NRXN1: variants seen among roughly 807,000 people sequenced by gnomAD.
The protein encoded by NRXN1 is neurexin 1, also known as neurexin-1.
In NRXN1, 39 loss-of-function variants were observed where a neutral mutation model predicts 150.9. The ratio of observed to expected loss-of-function variants is 0.26; its 90% CI spans 0.20 to 0.34. The LOEUF is 0.34. NRXN1 is among the 10% of genes least tolerant of loss of function. The pLI is 1.00. For synonymous variants in NRXN1, 924 were observed against 757.0 expected (o/e 1.22, Z -3.62); for missense variants, 1,815 against 1,949.9 (o/e 0.93, Z 1.30).
At chr2:50,520,049 A>T (rs1464522167) in intron 12 of NRXN1, among the ~76,000 whole-genome samples, 1 of 152,018 alleles carries the variant, frequency 6.6e-6, no homozygotes, top group Non-Finnish European at 1.5e-5. Context: ...CTATATTTTT[A>T]AAGAAGCACA....
chr2:49,992,728 G>C (rs1331093247), intron 21 of NRXN1, among the ~76,000 whole-genome samples: 1 of 151,864 alleles, frequency 6.6e-6, no homozygotes, highest in African/African-American at 2.4e-5. Flanking sequence ...ACTCAACAAT[G>C]ATAAAACAAA....
intron 17 of NRXN1, among the ~76,000 whole-genome samples, chr2:50,440,398 GT>G (rs201555885): frequency 2.7e-5 from 4 of 148,376 alleles, no homozygotes; most frequent in African/African-American, 1.0e-4. Context: ...TCTGACTATA[GT>G]CTTTATTATT....
intron 2 of NRXN1, among the ~76,000 whole-genome samples, chr2:50,940,542 C>T (rs916399234): frequency 3.3e-5 from 5 of 151,408 alleles, no homozygotes; most frequent in Non-Finnish European, 5.9e-5. Context: ...TAACCTTGTG[C>T]TCTCTGGGTC....
rs562898442 is a variant in NRXN1, at chr2:50,374,848, T to C, written c.3364+90594A>G. Among the ~76,000 whole-genome samples, 28 of 152,294 alleles carry C rather than the reference T, an allele frequency of 1.8e-4. No homozygotes were observed. The South Asian group carries it at 2.1e-3, about 11-fold the overall frequency. On this transcript the variant is annotated intron_variant, in intron 17 of 22. Coordinates refer to ENST00000401669, the MANE Select transcript of NRXN1 (RefSeq NM_001330078.2). The stretch of plus-strand genomic sequence containing the variant: ...TGCTTGCAACTGCAACAGGTTTCTG[T>C]AAAAGCTTTTGAGTTTCACAGCCTT...
intron 21 of NRXN1, among the ~76,000 whole-genome samples, chr2:49,959,859 G>A (rs1675611700): frequency 6.6e-6 from 1 of 152,138 alleles, no homozygotes; most frequent in African/African-American, 2.4e-5. Context: ...CAAAACCCCA[G>A]TATCCTAACA....
Position 50,456,972 on chromosome 2 carries a change from T to C in NRXN1, c.3364+8470A>G, listed in dbSNP as rs563213169. On this transcript the variant is annotated intron_variant, in intron 17 of 22. Transcript: ENST00000401669. Reference sequence around the variant, plus strand: ...TGAATCTTAACAGTTAATTTCCCACTATACAGATTGTGAATCTGATTCACA... The same window carrying C: ...TGAATCTTAACAGTTAATTTCCCACCATACAGATTGTGAATCTGATTCACA... Among the ~76,000 whole-genome samples the C allele has an allele frequency of 4.6e-5, 7 of 152,298 alleles. No homozygotes were observed. The South Asian group carries it at 1.2e-3, about 27-fold the overall frequency.
chr2:50,300,831 G>A (rs1353351103), intron 17 of NRXN1, among the ~76,000 whole-genome samples: 1 of 152,112 alleles, frequency 6.6e-6, no homozygotes, highest in African/African-American at 2.4e-5. Context: ...GAGTAGCCGG[G>A]ATTACAGGCG....
chr2:50,918,434 A>G (rs1685520603), intron 5 of NRXN1: 1 of 326,160 alleles, frequency 3.1e-6, no homozygotes, highest in Non-Finnish European at 5.6e-6. Context: ...AGCATTAAGT[A>G]TAATCACAAA....
rs148262349 is a variant in NRXN1 at position 49,978,673 on chromosome 2, GGAGA to G, written c.4129-34886_4129-34883del. Among the ~76,000 whole-genome samples, 3 of 146,458 alleles carry G rather than the reference GGAGA, an allele frequency of 2.0e-5. No homozygotes were observed. The Admixed American group carries it at 2.1e-4, about 10-fold the overall frequency. The stretch of plus-strand genomic sequence containing the variant: ...AAACAGCTGGGGGAGGGAGGGCAGA[GGAGA>G]GAGAGAGAGATAGCCATAAAAAGAA... On this transcript the variant is annotated intron_variant, in intron 21 of 22. Transcript: ENST00000401669.
intron 18 of NRXN1, among the ~76,000 whole-genome samples, chr2:50,204,754 A>C (rs1574482143): frequency 6.6e-6 from 1 of 151,970 alleles, no homozygotes. Flanking sequence ...AGTGGGTGAG[A>C]AATTAGACAC....
At chr2:50,921,783 G>T (rs367899480) in intron 5 of NRXN1, 86 bp downstream of exon 5, 1 of 568,824 alleles carries the variant, frequency 1.8e-6, no homozygotes, top group Non-Finnish European at 2.8e-6. Context: ...CATTACCAAT[G>T]CCAAAAGGTC....
At chr2:50,567,250 C>G (rs944493226) in intron 8 of NRXN1, among the ~76,000 whole-genome samples, 15 of 152,180 alleles carry the variant, frequency 9.9e-5, no homozygotes, top group Non-Finnish European at 2.1e-4. Context: ...AGGTTTAACA[C>G]TAGGATGAAT....
At chr2:50,791,131 T>TA (rs1438223145) in intron 5 of NRXN1, among the ~76,000 whole-genome samples, 1 of 150,428 alleles carries the variant, frequency 6.6e-6, no homozygotes, top group Non-Finnish European at 1.5e-5. Flanking sequence ...AAATGTTTTT[T>TA]TTTTTTAAAA....
intron 19 of NRXN1, among the ~76,000 whole-genome samples, chr2:50,082,623 A>C (rs1698133758): frequency 6.6e-6 from 1 of 152,204 alleles, no homozygotes. Flanking sequence ...AAACAGAATA[A>C]ATTTTTATTG....
chr2:50,308,822 G>C (rs1157424080), intron 17 of NRXN1, among the ~76,000 whole-genome samples: 1 of 152,112 alleles, frequency 6.6e-6, no homozygotes, highest in Non-Finnish European at 1.5e-5. Context: ...GACAGATTTG[G>C]GTTAATGATC....
chr2:50,413,062 C>A (rs4971557), intron 17 of NRXN1, among the ~76,000 whole-genome samples: 17,910 of 152,094 alleles, frequency 0.12, 1,535 homozygotes, highest in East Asian at 0.37. Flanking sequence ...GCACAGACAA[C>A]CAAAGCAAAA....
At chr2:50,138,004 G>A (rs1283101510) in intron 18 of NRXN1, among the ~76,000 whole-genome samples, 2 of 152,118 alleles carry the variant, frequency 1.3e-5, no homozygotes, top group African/African-American at 4.8e-5. Context: ...TTTAATGCAA[G>A]CTAAGCCAAT....
At chr2:50,762,877 A>C (rs1356017276) in intron 5 of NRXN1, among the ~76,000 whole-genome samples, 5 of 151,924 alleles carry the variant, frequency 3.3e-5, no homozygotes, top group Non-Finnish European at 2.9e-5. Flanking sequence ...CAGTTTTCTA[A>C]GTGTCAGCCA....
intron 17 of NRXN1, among the ~76,000 whole-genome samples, chr2:50,351,029 A>G (rs968348094): frequency 6.6e-6 from 1 of 152,188 alleles, no homozygotes; most frequent in Admixed American, 6.5e-5. Flanking sequence ...GATAGTGTAG[A>G]AAAAGTATTG....
Sources: allele counts gnomAD v4.1 joint callset (sites outside exome capture counted in the v4.1 genomes callset), GRCh38; gene constraint gnomAD v4.1.1; transcripts MANE v1.5; gene names NCBI Gene and HGNC (gene_info 2026-07-23, HGNC 2026-07-21).